The following CCDC25 variants were observed in gnomAD, a reference collection of about 807,000 sequenced individuals.
CCDC25 encodes the protein coiled-coil domain-containing protein 25.
Under a neutral mutation model 35.3 loss-of-function variants are expected in CCDC25, and 16 were observed. The observed-to-expected ratio is 0.45, with a 90% confidence interval of 0.31 to 0.69. The LOEUF is 0.69. Among genes scored for constraint, CCDC25 ranks in the 30% least tolerant of loss-of-function variants. The pLI, the probability that CCDC25 is intolerant of heterozygous loss-of-function variation, is 0.06. For synonymous variants in CCDC25, 79 were observed against 80.3 expected (o/e 0.98, Z 0.09); for missense variants, 179 against 250.7 (o/e 0.71, Z 1.93).
intron 4 of CCDC25, 199 bp from the exon 5 acceptor site, chr8:27,752,786 T>C (rs556378989): frequency 2.5e-4 from 80 of 316,486 alleles, no homozygotes; most frequent in Non-Finnish European, 3.7e-4. Flanking sequence ...AAGGCTGTAA[T>C]ATGAAAATAT....
chr8:27,762,425 T>C lies in CCDC25; in HGVS notation c.110A>G (p.Asp37Gly). Reference sequence around the variant, plus strand: ...AACCAAAATTGTTACTTACCAGATATCTTCAGGCCAGCCATGCTTGATCAG... The same window carrying C: ...AACCAAAATTGTTACTTACCAGATACCTTCAGGCCAGCCATGCTTGATCAG... Reference protein sequence around the residue: ...EDLIKHGWPEDIWFHVDKLSS... With the variant: ...EDLIKHGWPEGIWFHVDKLSS... The change falls in exon 3 of 9, where the codon GAT (aspartate) becomes GGT (glycine). Residue 37 changes from aspartate (D) to glycine (G), a missense_variant. By Grantham distance (94) the Asp-to-Gly change is moderately conservative. Transcript: ENST00000356537. 8 of 1,613,302 alleles carry C rather than the reference T, an allele frequency of 5.0e-6. No homozygotes were observed. Among genetic ancestry groups the C allele is most frequent in the Non-Finnish European group, 6.8e-6 (8 of 1,179,730 alleles).
At chr8:27,754,025 G>T (rs1285701749) in intron 4 of CCDC25, among the ~76,000 whole-genome samples, 1 of 152,126 alleles carries the variant, frequency 6.6e-6, no homozygotes, top group Non-Finnish European at 1.5e-5. Flanking sequence ...AAATAGTAGA[G>T]AGCATTTTAA....
chr8:27,757,428 G>A (rs1053886717), intron 3 of CCDC25, among the ~76,000 whole-genome samples: 1 of 151,960 alleles, frequency 6.6e-6, no homozygotes. Context: ...CAGTTCATCC[G>A]GCCCTATATT....
intron 1 of CCDC25, among the ~76,000 whole-genome samples, chr8:27,770,460 G>A (rs776337334): frequency 2.0e-5 from 3 of 150,354 alleles, no homozygotes; most frequent in Non-Finnish European, 3.0e-5. Context: ...CCTTTAGACC[G>A]GGCGCAGTGG....
chr8:27,756,714 G>T lies in CCDC25; in HGVS notation c.168+5C>A. 1 of 1,602,006 alleles carries T rather than the reference G, an allele frequency of 6.2e-7. No homozygotes were observed. Among genetic ancestry groups the T allele is most frequent in the Non-Finnish European group, 8.6e-7 (1 of 1,169,106 alleles). ...AGTCAAGAATCCATGTTTAAATTCA[G>T]TTACCTTATGTAATCGAAGGTATAC... On this transcript the variant is annotated splice_donor_5th_base_variant and intron_variant, in intron 4 of 8. Coordinates refer to ENST00000356537, the MANE Select transcript of CCDC25 (RefSeq NM_018246.3).
At chr8:27,742,902 A>C (rs1355942573) in intron 7 of CCDC25, among the ~76,000 whole-genome samples, 1 of 151,872 alleles carries the variant, frequency 6.6e-6, no homozygotes, top group Non-Finnish European at 1.5e-5. Flanking sequence ...AACAAAAACA[A>C]ATTTACCTTT....
intron 8 of CCDC25, among the ~76,000 whole-genome samples, chr8:27,739,927 C>T (rs139563502): frequency 1.4e-4 from 22 of 152,234 alleles, no homozygotes; most frequent in East Asian, 9.6e-4. Flanking sequence ...AATAATTAGA[C>T]GCAATGTTAA....
Position 27,737,914 on chromosome 8 carries a change from A to AC in CCDC25, c.598-1670_598-1669insG, listed in dbSNP as rs60438673. On this transcript the variant is annotated intron_variant, in intron 8 of 8. Transcript: ENST00000356537. This position sits in a 1 kb window ranked among gnomAD's most constrained non-coding sequence, Gnocchi z 4.6. ...CACACACACACACACACACACACAC[A>AC]AAGGAATACTATGCAGCTATAAAAA... is the stretch of plus-strand genomic sequence containing the variant. 6.6e-6 allele frequency among the ~76,000 whole-genome samples: 1 copy of AC among 151,466 alleles called. No homozygotes were observed. Among genetic ancestry groups the AC allele is most frequent in the South Asian group, 2.1e-4 (1 of 4,778 alleles).
chr8:27,747,517 A>G (rs975371143), intron 7 of CCDC25, among the ~76,000 whole-genome samples: 1 of 152,266 alleles, frequency 6.6e-6, no homozygotes, highest in African/African-American at 2.4e-5. Context: ...CAATGGCAAT[A>G]GAAAACTAAC....
chr8:27,749,313 C>G (rs963587813), intron 5 of CCDC25, among the ~76,000 whole-genome samples: 7 of 152,158 alleles, frequency 4.6e-5, no homozygotes, highest in African/African-American at 1.7e-4. Flanking sequence ...CTGGTCCTTC[C>G]AAATTAGATG....
At chr8:27,749,834 G>T (rs7013435) in intron 5 of CCDC25, among the ~76,000 whole-genome samples, 1 of 151,608 alleles carries the variant, frequency 6.6e-6, no homozygotes, top group African/African-American at 2.4e-5. Flanking sequence ...CATGTTCAAG[G>T]GTCATGATAT....
In CCDC25 at chr8:27,737,532, A is replaced by T. The variant is rs1250572438; in HGVS notation, c.598-1287T>A. On this transcript the variant is annotated intron_variant, in intron 8 of 8. Coordinates refer to ENST00000356537, the MANE Select transcript of CCDC25 (RefSeq NM_018246.3). The surrounding 1 kb of genome is among the most constrained non-coding windows in gnomAD (Gnocchi z 4.6). ...TGCTAAATTAAAACTTAAGTCCTAT[A>T]TTACATAAACACTTGCCTTTAACTT... 6.6e-6 allele frequency among the ~76,000 whole-genome samples: 1 copy of T among 152,220 alleles called. No homozygotes were observed. The highest frequency in any genetic ancestry group is 2.4e-5 in the African/African-American group (1 of 41,452).
intron 2 of CCDC25, chr8:27,764,531 A>C (rs1019509496): frequency 3.5e-5 from 12 of 338,806 alleles, no homozygotes; most frequent in Non-Finnish European, 5.4e-5. Flanking sequence ...CTCTCGCCTC[A>C]GCCTGTCAAA....
chr8:27,755,771 G>A (rs11782593), intron 4 of CCDC25, among the ~76,000 whole-genome samples: 66,171 of 151,982 alleles, frequency 0.44, 14,650 homozygotes, highest in East Asian at 0.63. Flanking sequence ...GTCTAGTCAC[G>A]AGAAAAAATA....
At chr8:27,750,851 C>G (rs1256389167) in intron 5 of CCDC25, among the ~76,000 whole-genome samples, 1 of 152,116 alleles carries the variant, frequency 6.6e-6, no homozygotes, top group East Asian at 1.9e-4. Flanking sequence ...AAATTTAGCC[C>G]CAAAGCCCTT....
intron 3 of CCDC25, among the ~76,000 whole-genome samples, chr8:27,759,605 T>A: frequency 2.1e-5 from 1 of 48,432 alleles, no homozygotes; most frequent in African/African-American, 7.5e-5. Context: ...CGAGACTCTG[T>A]CTCAAAAAAA....
At chr8:27,744,301 G>A (rs1803534275) in intron 7 of CCDC25, among the ~76,000 whole-genome samples, 1 of 152,138 alleles carries the variant, frequency 6.6e-6, no homozygotes, top group South Asian at 2.1e-4. Flanking sequence ...GCTAATCTCA[G>A]TATATTCATG....
At chr8:27,759,416 G>A (rs1804134338) in intron 3 of CCDC25, among the ~76,000 whole-genome samples, 2 of 152,040 alleles carry the variant, frequency 1.3e-5, no homozygotes, top group Non-Finnish European at 1.5e-5. Context: ...AGACCAGCCT[G>A]GCCAATATGA....
chr8:27,769,989 C>T (rs558029336), intron 1 of CCDC25, among the ~76,000 whole-genome samples: 21 of 152,102 alleles, frequency 1.4e-4, no homozygotes, highest in African/African-American at 4.8e-4. Flanking sequence ...TAACAAAATA[C>T]AAAAATTAGC....
Sources: allele counts gnomAD v4.1 joint callset (sites outside exome capture counted in the v4.1 genomes callset), GRCh38; gene constraint gnomAD v4.1.1; non-coding constraint Gnocchi (gnomAD v3.1); transcripts MANE v1.5; gene names NCBI Gene and HGNC (gene_info 2026-07-23, HGNC 2026-07-21).